Variants in HMCN2 observed in about 807,000 individuals in gnomAD.
HMCN2 encodes the protein hemicentin 2.
Under a neutral mutation model 377.5 loss-of-function variants are expected in HMCN2, and 325 were observed. The ratio of observed to expected loss-of-function variants is 0.86; its 90% CI spans 0.79 to 0.94. HMCN2 has a LOEUF of 0.94. Among genes scored for constraint, HMCN2 ranks in the 40% least tolerant of loss-of-function variants. HMCN2 has a pLI of 0.00. For synonymous variants in HMCN2, 2,007 were observed against 2,046.8 expected (o/e 0.98, Z 0.53); for missense variants, 4,543 against 4,725.3 (o/e 0.96, Z 1.13).
At position 130,404,860 on chromosome 9, in the gene HMCN2, T is replaced by A. The variant is rs1407132639; in HGVS notation, c.12149-9T>A. ...CCCCGGTTCCGAGTGGGCCTCCCTCTGCCCGCAGTCCCACCAGTGATCGAG... is the reference window on the plus strand; with the variant it reads ...CCCCGGTTCCGAGTGGGCCTCCCTCAGCCCGCAGTCCCACCAGTGATCGAG... On this transcript the variant is annotated splice_polypyrimidine_tract_variant and intron_variant, in intron 80 of 97. Coordinates refer to ENST00000683500, the MANE Select transcript of HMCN2 (RefSeq NM_001291815.2). The A allele has an allele frequency of 1.6e-6, 2 of 1,232,224 alleles. No homozygotes were observed. The highest frequency in any genetic ancestry group is 2.1e-6 in the Non-Finnish European group (2 of 956,720). The allele number at this position is 1,232,224 out of a possible 1,614,324, so 76.3% of individuals were successfully genotyped here.
In HMCN2 at chr9:130,383,480, A is replaced by G. The variant is rs552824031; in HGVS notation, c.8734-24A>G. ...GTCCAAGGGGTCTCAGGTATCTCCCAGGCATGGCTCCCTGCACCCACAGGT... is the reference window on the plus strand; with the variant it reads ...GTCCAAGGGGTCTCAGGTATCTCCCGGGCATGGCTCCCTGCACCCACAGGT... On this transcript the variant is annotated intron_variant, in intron 56 of 97. Transcript: ENST00000683500. 2.7e-5 allele frequency: 26 copies of G among 977,770 alleles called. No individual in the cohort carries two copies. The South Asian group carries it at 1.1e-3, about 43-fold the overall frequency. 60.6% of individuals were successfully genotyped at this position (977,770 alleles called of 1,614,324 possible). A position where few individuals can be genotyped will look rare whatever the true frequency, so the allele number is the denominator to read the frequency against.
Position 130,296,123 on chromosome 9 carries a change from G to A in HMCN2, c.891+351G>A, listed in dbSNP as rs570206273. 2.6e-4 allele frequency among the ~76,000 whole-genome samples: 40 copies of A among 152,326 alleles called. No homozygotes were observed. In the South Asian group the frequency reaches 7.5e-3, roughly 28 times the overall value. On this transcript the variant is annotated intron_variant, in intron 6 of 97. Coordinates refer to ENST00000683500, the MANE Select transcript of HMCN2 (RefSeq NM_001291815.2). Reference sequence around the variant, plus strand: ...AGTGGGGCAGGGCTGGCAGGAAGAGGAGGGCCCTGCTATAATCTACAGGGT... The same window carrying A: ...AGTGGGGCAGGGCTGGCAGGAAGAGAAGGGCCCTGCTATAATCTACAGGGT...
chr9:130,327,150 C>T (rs1238054029), intron 21 of HMCN2, among the ~76,000 whole-genome samples, 160 bp from the exon 22 acceptor site: 1 of 152,078 alleles, frequency 6.6e-6, no homozygotes, highest in Non-Finnish European at 1.5e-5. Context: ...CCAATCTGGA[C>T]TCCCCCCCTT....
chr9:130,399,578 G>C lies in HMCN2; in HGVS notation c.11551G>C (p.Val3851Leu). The C allele has an allele frequency of 2.3e-6, 3 of 1,289,510 alleles. No individual in the cohort carries two copies. Among genetic ancestry groups the C allele is most frequent in the Non-Finnish European group, 3.0e-6 (3 of 988,692 alleles). The allele number at this position is 1,289,510 out of a possible 1,614,324, so 79.9% of individuals were successfully genotyped here. ...GPQDSAQFEC[V>L]VSNEVGEAHR... is the part of the protein sequence containing the mutation. ...CCAGGACTCAGCCCAGTTTGAATGC[G>C]TGGTGAGCAATGAGGTGGGCGAGGC... Residue 3851 changes from valine to leucine, a missense_variant, in exon 76 of 98, where the codon GTG becomes CTG. Transcript: ENST00000683500.
intron 4 of HMCN2, among the ~76,000 whole-genome samples, chr9:130,293,219 A>G (rs1354744758): frequency 6.6e-6 from 1 of 150,628 alleles, no homozygotes; most frequent in African/African-American, 2.5e-5. Context: ...AACAAGATAT[A>G]TAAAATGGGT....
In HMCN2 at chr9:130,394,614, G is replaced by A. The variant is rs1423584223; in HGVS notation, c.10692+39G>A. ...CGCCATGGGGCGAGGCTGGGGGTTGGGGGAGAGGGGAGGGACTGCAGGTTC... is the reference window on the plus strand; with the variant it reads ...CGCCATGGGGCGAGGCTGGGGGTTGAGGGAGAGGGGAGGGACTGCAGGTTC... On this transcript the variant is annotated intron_variant, in intron 69 of 97. Transcript: ENST00000683500. The surrounding 1 kb of genome is among the most constrained non-coding windows in gnomAD (Gnocchi z 5.1). 8.0e-7 allele frequency: 1 copy of A among 1,244,808 alleles called. No homozygotes were observed. 77.1% of individuals were successfully genotyped at this position (1,244,808 alleles called of 1,614,324 possible). A position where few individuals can be genotyped will look rare whatever the true frequency, so the allele number is the denominator to read the frequency against.
chr9:130,381,902 A>G (rs1384629728), intron 54 of HMCN2, among the ~76,000 whole-genome samples: 4 of 152,152 alleles, frequency 2.6e-5, no homozygotes, highest in African/African-American at 4.8e-5. Flanking sequence ...CAGGTTTGCC[A>G]TCTGTAAGAT....
intron 24 of HMCN2, among the ~76,000 whole-genome samples, chr9:130,341,740 C>T (rs1034836169): frequency 1.4e-4 from 21 of 152,310 alleles, no homozygotes; most frequent in African/African-American, 4.8e-4. Flanking sequence ...GGCCAGTCAC[C>T]TACACTCTCT....
intron 54 of HMCN2, among the ~76,000 whole-genome samples, chr9:130,380,934 G>A (rs538724523): frequency 9.2e-4 from 32 of 34,804 alleles, no homozygotes; most frequent in Admixed American, 1.5e-3. Context: ...AGTCCTGGGT[G>A]CACAGTAGGC....
chr9:130,316,037 A>G (rs1588230658), intron 15 of HMCN2, among the ~76,000 whole-genome samples: 1 of 152,182 alleles, frequency 6.6e-6, no homozygotes, highest in Non-Finnish European at 1.5e-5. Context: ...AGGCAAAGCC[A>G]CGGTCCAGCC....
intron 86 of HMCN2, among the ~76,000 whole-genome samples, chr9:130,421,536 C>A (rs1844012915): frequency 6.6e-6 from 1 of 152,152 alleles, no homozygotes; most frequent in South Asian, 2.1e-4. Context: ...CGGTGGCTTG[C>A]CTGCCGTGCC....
chr9:130,271,648 C>T (rs79119119), intron 1 of HMCN2, among the ~76,000 whole-genome samples: 1 of 148,832 alleles, frequency 6.7e-6, no homozygotes, highest in Non-Finnish European at 1.5e-5. Flanking sequence ...GTAGTGGCTC[C>T]AGGCTCATCT....
intron 60 of HMCN2, 99 bp from the exon 61 acceptor site, chr9:130,386,344 C>T (rs1210107699): frequency 1.6e-6 from 1 of 607,362 alleles, no homozygotes. Flanking sequence ...TTGGGAGGCC[C>T]CTGCTCTGGA....
intron 8 of HMCN2, 30 bp downstream of exon 8, chr9:130,299,318 C>G (rs1554933431): frequency 2.4e-6 from 1 of 417,890 alleles, no homozygotes. Context: ...GTCTCCCAGG[C>G]CCCTGGCTCA....
chr9:130,413,991 CAAAAA>C (rs33963612), intron 85 of HMCN2, among the ~76,000 whole-genome samples: 47,379 of 137,100 alleles, frequency 0.35, 8,566 homozygotes, highest in Middle Eastern at 0.47. Context: ...ACCAAAAATA[CAAAAA>C]AAAAAAAAAA....
In HMCN2 at chr9:130,398,770, C is replaced by T. The variant is rs887383919; in HGVS notation, c.11483+63C>T. The stretch of plus-strand genomic sequence containing the variant: ...ACAGGGCGGGGAGGCACTCTCTTCT[C>T]ACGGGGGCATGGGGCAGGGACGGGG... On this transcript the variant is annotated intron_variant, in intron 75 of 97. Coordinates refer to ENST00000683500, the MANE Select transcript of HMCN2 (RefSeq NM_001291815.2). The T allele has an allele frequency of 2.4e-6, 3 of 1,242,422 alleles. No individual in the cohort carries two copies. In the African/African-American group the frequency reaches 4.6e-5, roughly 19 times the overall value. The allele number at this position is 1,242,422 out of a possible 1,614,324, so 77.0% of individuals were successfully genotyped here. A position where few individuals can be genotyped will look rare whatever the true frequency, so the allele number is the denominator to read the frequency against.
intron 87 of HMCN2, among the ~76,000 whole-genome samples, chr9:130,424,419 C>T (rs1844208357): frequency 6.6e-6 from 1 of 151,736 alleles, no homozygotes; most frequent in African/African-American, 2.4e-5. Flanking sequence ...ATCTCCTGAC[C>T]TCGTGATCTG....
At chr9:130,388,259 G>A (rs966975524) in intron 61 of HMCN2, 150 bp from the exon 62 acceptor site, 1 of 436,004 alleles carries the variant, frequency 2.3e-6, no homozygotes, top group African/African-American at 2.1e-5. Flanking sequence ...AAAATAGCCA[G>A]GCACTGGTTC....
rs1297173991 is a variant in HMCN2 at position 130,363,055 on chromosome 9, C to T, written c.6232+65C>T. The stretch of plus-strand genomic sequence containing the variant: ...CGGGGGAGATGGGGTGGGGGGCATT[C>T]CCAGTCACTTCCAAAAGGAGAGAGG... On this transcript the variant is annotated intron_variant, in intron 40 of 97. Coordinates refer to ENST00000683500, the MANE Select transcript of HMCN2 (RefSeq NM_001291815.2). 4 of 983,310 alleles carry T rather than the reference C, an allele frequency of 4.1e-6. No homozygotes were observed. The African/African-American group carries it at 5.2e-5, about 13-fold the overall frequency. The allele number at this position is 983,310 out of a possible 1,614,324, so 60.9% of individuals were successfully genotyped here.
Sources: allele counts gnomAD v4.1 joint callset (sites outside exome capture counted in the v4.1 genomes callset), GRCh38; gene constraint gnomAD v4.1.1; non-coding constraint Gnocchi (gnomAD v3.1); transcripts MANE v1.5; gene names NCBI Gene and HGNC (gene_info 2026-07-23, HGNC 2026-07-21).